Variants in LRRC7 observed in about 807,000 individuals in gnomAD.
LRRC7 encodes leucine-rich repeat-containing protein 7.
Under a neutral mutation model 175.7 loss-of-function variants are expected in LRRC7, and 23 were observed. The observed-to-expected ratio is 0.13, with a 90% CI of 0.09 to 0.19. The LOEUF is 0.19. Ranked by LOEUF, LRRC7 falls within the 10% of genes least tolerant of loss-of-function variation. LRRC7 has a pLI of 1.00. For synonymous variants in LRRC7, 685 were observed against 680.9 expected (o/e 1.01, Z -0.09); for missense variants, 1,354 against 1,904.7 (o/e 0.71, Z 5.38).
At chr1:69,988,297 T>C (rs565400517) in intron 10 of LRRC7, among the ~76,000 whole-genome samples, 1 of 152,290 alleles carries the variant, frequency 6.6e-6, no homozygotes, top group Non-Finnish European at 1.5e-5. Context: ...CACCCAGGCA[T>C]GGTGGCATGT....
intron 22 of LRRC7, among the ~76,000 whole-genome samples, chr1:70,052,819 T>C (rs1660847665): frequency 6.6e-6 from 1 of 152,152 alleles, no homozygotes; most frequent in African/African-American, 2.4e-5. Context: ...AAGATGGTTA[T>C]TTTAATTGCA....
chr1:69,591,953 C>A (rs182535274), intron 1 of LRRC7, among the ~76,000 whole-genome samples: 68 of 152,026 alleles, frequency 4.5e-4, no homozygotes, highest in African/African-American at 1.6e-3. Context: ...TACATTTATT[C>A]AAAAATATAT....
At chr1:69,594,594 A>G (rs962395230) in intron 1 of LRRC7, among the ~76,000 whole-genome samples, 3 of 151,992 alleles carry the variant, frequency 2.0e-5, no homozygotes, top group Admixed American at 2.0e-4. Context: ...TTCCATTCCT[A>G]TATTCTATAC....
chr1:69,592,887 G>A (rs970337578), intron 1 of LRRC7, among the ~76,000 whole-genome samples: 1 of 152,018 alleles, frequency 6.6e-6, no homozygotes, highest in Non-Finnish European at 1.5e-5. Flanking sequence ...GCAAAGCTAG[G>A]ATCCAAACCT....
rs2100937491 is a variant in LRRC7 at position 69,760,315 on chromosome 1, G to A, written c.225G>A (p.Val75=). 6.2e-7 allele frequency: 1 copy of A among 1,612,888 alleles called. No individual in the cohort carries two copies. The highest frequency in any genetic ancestry group is 8.5e-7 in the Non-Finnish European group (1 of 1,179,338). Residue 75 remains valine (V), a synonymous_variant, in exon 3 of 27, where the codon GTG becomes GTA. Coordinates refer to ENST00000651989, the MANE Select transcript of LRRC7 (RefSeq NM_001370785.2). ...LDYSHCSLQQ[V]PKEVFNFERT... ...ACTCCCACTGCAGTCTTCAGCAGGT[G>A]CCAAAGGAGGTCTTTAACTTCGAAC... is the stretch of plus-strand genomic sequence containing the variant.
intron 1 of LRRC7, among the ~76,000 whole-genome samples, chr1:69,662,474 T>C (rs1019801755): frequency 2.6e-4 from 39 of 152,192 alleles, no homozygotes; most frequent in African/African-American, 9.4e-4. Context: ...TGCTGAAACA[T>C]TGCTGGTCTT....
chr1:69,684,932 A>G (rs1258212539), intron 2 of LRRC7, among the ~76,000 whole-genome samples: 4 of 152,130 alleles, frequency 2.6e-5, no homozygotes, highest in Admixed American at 2.6e-4. Flanking sequence ...TGGTGGGCAG[A>G]CCTATCTGGT....
At chr1:69,901,963 T>A (rs961545725) in intron 7 of LRRC7, among the ~76,000 whole-genome samples, 15 of 151,852 alleles carry the variant, frequency 9.9e-5, no homozygotes, top group African/African-American at 3.4e-4. Flanking sequence ...CCAACTGTAA[T>A]AAATTAATAT....
At chr1:70,024,488 C>A (rs1375285970) in intron 17 of LRRC7, among the ~76,000 whole-genome samples, 1 of 151,656 alleles carries the variant, frequency 6.6e-6, no homozygotes, top group Non-Finnish European at 1.5e-5. Context: ...CGAAACATTT[C>A]TTTTTTTCAA....
intron 26 of LRRC7, among the ~76,000 whole-genome samples, chr1:70,109,426 A>G (rs950435778): frequency 2.6e-5 from 4 of 152,200 alleles, no homozygotes; most frequent in African/African-American, 7.2e-5. Context: ...GCCTGTGCCA[A>G]TGTCACAATA....
intron 11 of LRRC7, 88 bp downstream of exon 11, chr1:69,994,721 C>G: frequency 1.2e-6 from 1 of 807,210 alleles, no homozygotes; most frequent in Non-Finnish European, 2.1e-6. Context: ...ACATTTTCTA[C>G]TAAAGATACC....
intron 9 of LRRC7, 88 bp from the exon 10 acceptor site, chr1:69,986,154 T>C: frequency 5.0e-6 from 6 of 1,203,898 alleles, no homozygotes; most frequent in Non-Finnish European, 6.8e-6. Flanking sequence ...GCTTTTAAAA[T>C]AAACTTTACA....
intron 8 of LRRC7, among the ~76,000 whole-genome samples, chr1:69,971,181 G>T (rs772117078): frequency 2.4e-4 from 36 of 152,028 alleles, no homozygotes; most frequent in Non-Finnish European, 1.3e-4. Context: ...TACTGAATGG[G>T]GAAAAGTTGA....
chr1:69,615,912 A>G (rs1182303439), intron 1 of LRRC7, among the ~76,000 whole-genome samples: 2 of 152,020 alleles, frequency 1.3e-5, no homozygotes, highest in African/African-American at 4.8e-5. Flanking sequence ...ACGCCCCACC[A>G]TAGGAAAGAC....
chr1:70,025,478 C>T (rs545271937), intron 17 of LRRC7, among the ~76,000 whole-genome samples: 76 of 151,890 alleles, frequency 5.0e-4, no homozygotes, highest in African/African-American at 1.8e-3. Context: ...TCAAGATCAC[C>T]AAAGGAATCC....
chr1:70,015,491 C>A (rs1233066607), intron 13 of LRRC7, among the ~76,000 whole-genome samples: 2 of 152,030 alleles, frequency 1.3e-5, no homozygotes, highest in Non-Finnish European at 2.9e-5. Context: ...TATATTATAT[C>A]TAAAATGTTT....
rs754934916 is a variant in LRRC7 at position 69,717,841 on chromosome 1, A to AGAAGAAAGAAAGG, written c.100+39363_100+39364insGAAGAAAGAAAGG. Among the ~76,000 whole-genome samples the AGAAGAAAGAAAGG allele has an allele frequency of 1.6e-3, 30 of 19,334 alleles. 5 individuals carry two copies. The highest frequency in any genetic ancestry group is 5.0e-3 in the East Asian group (3 of 600). 12.7% of individuals were successfully genotyped at this position (19,334 alleles called of 152,430 possible). On this transcript the variant is annotated intron_variant, in intron 2 of 26. Transcript: ENST00000651989. ...AAGAAAGAAAGAAAGAAAGAAAGAA[A>AGAAGAAAGAAAGG]AAAGAAAGAAAGGAAAGAAAGAAAG...
At chr1:69,646,468 T>A (rs771170334) in intron 1 of LRRC7, among the ~76,000 whole-genome samples, 6 of 152,150 alleles carry the variant, frequency 3.9e-5, no homozygotes, top group Non-Finnish European at 8.8e-5. Context: ...ATTAGGGACT[T>A]ACCAATATTT....
At chr1:69,919,870 T>A (rs1570654294) in intron 7 of LRRC7, 1 of 656,068 alleles carries the variant, frequency 1.5e-6, no homozygotes, top group Non-Finnish European at 2.7e-6. Context: ...GGCCTCGGGG[T>A]TCCCCCGCTG....
Sources: allele counts gnomAD v4.1 joint callset (sites outside exome capture counted in the v4.1 genomes callset), GRCh38; gene constraint gnomAD v4.1.1; transcripts MANE v1.5; gene names NCBI Gene and HGNC (gene_info 2026-07-23, HGNC 2026-07-21).